RNPC3: variants seen among roughly 807,000 people sequenced by gnomAD.
The protein encoded by RNPC3 is RNA binding region (RNP1, RRM) containing 3.
A neutral mutation model predicts 67.5 loss-of-function variants in RNPC3; 48 were observed. The observed-to-expected ratio is 0.71, with a 90% CI of 0.56 to 0.90. RNPC3 has a LOEUF of 0.90. RNPC3 is among the 40% of genes least tolerant of loss of function. The probability of loss-of-function intolerance (pLI) is 0.00; values close to 1 mark genes in which losing one functional copy is unlikely to be tolerated. For missense variants in RNPC3, 637 were observed against 626.1 expected (o/e 1.02, Z -0.19); for synonymous variants, 239 against 210.3 (o/e 1.14, Z -1.18).
intron 9 of RNPC3, among the ~76,000 whole-genome samples, chr1:103,544,217 T>C (rs985940195): frequency 2.0e-5 from 3 of 151,808 alleles, no homozygotes; most frequent in Non-Finnish European, 4.4e-5. Context: ...CCTTATCCTG[T>C]ATATGTATGA....
rs1438382348 is a variant in RNPC3 at position 103,551,340 on chromosome 1, G to GA, written c.1494+268dup. On this transcript the variant is annotated intron_variant, in intron 13 of 14. Coordinates refer to ENST00000423855, the MANE Select transcript of RNPC3 (RefSeq NM_017619.4). ...GCTCAAAAGTACATAGGCATGCTAA[G>GA]AGACTAGAGTATCCAGAAGTACATT... 7.8e-5 allele frequency: 32 copies of GA among 407,908 alleles called. 1 individual carries two copies. The Admixed American group carries it at 1.4e-3, about 17-fold the overall frequency. The allele number at this position is 407,908 out of a possible 1,614,324, so 25.3% of individuals were successfully genotyped here. A position where few individuals can be genotyped will look rare whatever the true frequency, so the allele number is the denominator to read the frequency against.
In RNPC3 at chr1:103,537,422, G is replaced by A; in HGVS notation, c.705G>A (p.Glu235=). ...CTGAGGAACCTCCTTTGCCAGACGA[G>A]GATGAGGAATTATCTAGTGAAGAAT... ...QPPEEPPLPD[E]DEELSSEESE... is the part of the protein sequence containing the mutation. Residue 235 remains glutamate (E), a synonymous_variant, in exon 7 of 15, where the codon GAG becomes GAA. Transcript: ENST00000423855. 2 of 1,536,592 alleles carry A rather than the reference G, an allele frequency of 1.3e-6. No individual in the cohort carries two copies. Among genetic ancestry groups the A allele is most frequent in the Non-Finnish European group, 1.7e-6 (2 of 1,146,560 alleles).
Position 103,551,809 on chromosome 1 carries a change from CAT to C in RNPC3, c.*12+19_*12+20del. On this transcript the variant is annotated intron_variant, in intron 14 of 14. Coordinates refer to ENST00000423855, the MANE Select transcript of RNPC3 (RefSeq NM_017619.4). ...TTAATAAAGGTAAGTGTGAATAAAA[CAT>C]AATAAAAAGACAAGACTAATTCTTG... 8.2e-7 allele frequency: 1 copy of C among 1,221,912 alleles called. No homozygotes were observed. The highest frequency in any genetic ancestry group is 1.5e-5 in the South Asian group (1 of 65,348). 75.7% of individuals were successfully genotyped at this position (1,221,912 alleles called of 1,614,324 possible). A position where few individuals can be genotyped will look rare whatever the true frequency, so the allele number is the denominator to read the frequency against.
intron 2 of RNPC3, among the ~76,000 whole-genome samples, chr1:103,532,986 G>A (rs1557756292): frequency 6.6e-6 from 1 of 151,984 alleles, no homozygotes; most frequent in Non-Finnish European, 1.5e-5. Context: ...ATAGGAGCAT[G>A]TTTTCATACT....
chr1:103,526,315 G>A (rs554102169), intron 1 of RNPC3, 53 bp downstream of exon 1: 49 of 1,431,186 alleles, frequency 3.4e-5, no homozygotes, highest in Non-Finnish European at 4.5e-5. Context: ...GAAGTGACCG[G>A]GGAGGGGGAG....
intron 12 of RNPC3, among the ~76,000 whole-genome samples, chr1:103,549,694 G>T (rs1052375037): frequency 2.0e-5 from 3 of 152,108 alleles, no homozygotes; most frequent in Admixed American, 1.3e-4. Flanking sequence ...TGGAATAGTA[G>T]ATCACTATAT....
At chr1:103,527,342 G>C (rs974350331) in intron 1 of RNPC3, among the ~76,000 whole-genome samples, 31 of 152,162 alleles carry the variant, frequency 2.0e-4, no homozygotes, top group Admixed American at 5.2e-4. Context: ...TATGTATAGA[G>C]GAAAGTTTAA....
intron 2 of RNPC3, 54 bp from the exon 3 acceptor site, chr1:103,533,685 C>T (rs373912629): frequency 3.2e-5 from 30 of 932,154 alleles, no homozygotes; most frequent in African/African-American, 2.5e-4. Flanking sequence ...TGGTCTCTAA[C>T]GAATCATTTT....
intron 7 of RNPC3, among the ~76,000 whole-genome samples, chr1:103,539,990 G>A (rs991647892): frequency 6.6e-6 from 1 of 152,134 alleles, no homozygotes. Flanking sequence ...AGTCCCAGTA[G>A]CTGGGACTAA....
At chr1:103,546,216 T>C (rs1417058951) in intron 10 of RNPC3, 32 bp from the exon 11 acceptor site, 2 of 1,051,644 alleles carry the variant, frequency 1.9e-6, no homozygotes, top group Admixed American at 3.5e-5. Context: ...AATATTTTAA[T>C]TTTATATCTT....
At chr1:103,538,157 T>TA (rs776540924) in intron 7 of RNPC3, among the ~76,000 whole-genome samples, 2 of 152,188 alleles carry the variant, frequency 1.3e-5, no homozygotes, top group Non-Finnish European at 2.9e-5. Flanking sequence ...ATGTACTTTT[T>TA]AAAGTTTTTT....
intron 2 of RNPC3, among the ~76,000 whole-genome samples, chr1:103,532,736 C>G (rs1201650110): frequency 7.9e-5 from 12 of 152,090 alleles, no homozygotes; most frequent in Admixed American, 2.0e-4. Context: ...TGACATGTAT[C>G]CAGGAAGGAG....
Position 103,544,931 on chromosome 1 carries a change from G to C in RNPC3, c.1046-10G>C, listed in dbSNP as rs2101050340. On this transcript the variant is annotated splice_polypyrimidine_tract_variant and intron_variant, in intron 9 of 14. Coordinates refer to ENST00000423855, the MANE Select transcript of RNPC3 (RefSeq NM_017619.4). ...ATTCTTAATGGTTAATGTTAATATT[G>C]AACTCTTAGATTTACCTGCTACTGA... is the stretch of plus-strand genomic sequence containing the variant. The C allele has an allele frequency of 4.0e-6, 6 of 1,502,990 alleles. No homozygotes were observed. In the South Asian group the frequency reaches 7.6e-5, roughly 19 times the overall value. 93.1% of individuals were successfully genotyped at this position (1,502,990 alleles called of 1,614,324 possible).
Position 103,551,740 on chromosome 1 carries a change from G to T in RNPC3, c.1514G>T (p.Arg505Ile). 2 of 1,534,310 alleles carry T rather than the reference G, an allele frequency of 1.3e-6. No individual in the cohort carries two copies. The highest frequency in any genetic ancestry group is 2.5e-5 in the East Asian group (1 of 40,806). The change falls in exon 14 of 15, where the codon AGA (arginine) becomes ATA (isoleucine). Residue 505 changes from arginine (R) to isoleucine (I), a missense_variant. By Grantham distance (97) the Arg-to-Ile change is moderately conservative. Coordinates refer to ENST00000423855, the MANE Select transcript of RNPC3 (RefSeq NM_017619.4). ...PMVVQFARSA[R>I]PKQDPKEGKR... ...TATTAGCAGTTTGCTCGATCTGCTAGACCAAAACAAGATCCTAAGGAAGGA... is the reference window on the plus strand; with the variant it reads ...TATTAGCAGTTTGCTCGATCTGCTATACCAAAACAAGATCCTAAGGAAGGA...
At chr1:103,545,677 T>C (rs1305264274) in intron 10 of RNPC3, 1 of 152,552 alleles carries the variant, frequency 6.6e-6, no homozygotes, top group Non-Finnish European at 1.5e-5. Context: ...TCTGATTTTC[T>C]AGAACAGATT....
Position 103,537,493 on chromosome 1 carries a change from C to T in RNPC3, c.767+9C>T. 1 of 1,526,724 alleles carries T rather than the reference C, an allele frequency of 6.5e-7. No homozygotes were observed. The highest frequency in any genetic ancestry group is 1.7e-4 in the Middle Eastern group (1 of 5,824). 94.6% of individuals were successfully genotyped at this position (1,526,724 alleles called of 1,614,324 possible). On this transcript the variant is annotated intron_variant, in intron 7 of 14. Transcript: ENST00000423855. ...GATGAGGACCGACAGAGGTTTGTAA[C>T]ATGAAAAATTTGTTTAGTTTCCAAG...
intron 3 of RNPC3, among the ~76,000 whole-genome samples, chr1:103,534,212 C>T (rs928508558): frequency 9.2e-5 from 14 of 152,080 alleles, no homozygotes; most frequent in Non-Finnish European, 1.6e-4. Flanking sequence ...GGCTGTGACT[C>T]TTCGTAGTAC....
At chr1:103,547,393 G>A (rs552052831) in intron 12 of RNPC3, among the ~76,000 whole-genome samples, 15 of 152,138 alleles carry the variant, frequency 9.9e-5, no homozygotes, top group African/African-American at 1.4e-4. Context: ...GATTCCGACC[G>A]TAATCTTCCC....
chr1:103,525,828 G>T lies in RNPC3; in HGVS notation c.-243G>T. ...TCTCTGGGCCAATTTTTGCTTGTAA[G>T]TCTTTCCGGAGACCCCTGGAATTTA... is the stretch of plus-strand genomic sequence containing the variant. On this transcript the variant is annotated 5_prime_UTR_variant, in exon 1 of 15. Transcript: ENST00000423855. 2.2e-6 allele frequency: 1 copy of T among 444,758 alleles called. No individual in the cohort carries two copies. The highest frequency in any genetic ancestry group is 4.0e-6 in the Non-Finnish European group (1 of 248,118). 27.6% of individuals were successfully genotyped at this position (444,758 alleles called of 1,614,324 possible).
Sources: allele counts gnomAD v4.1 joint callset (sites outside exome capture counted in the v4.1 genomes callset), GRCh38; gene constraint gnomAD v4.1.1; transcripts MANE v1.5; gene names NCBI Gene and HGNC (gene_info 2026-07-23, HGNC 2026-07-21).